The following TAS2R1 variants were observed in gnomAD, a reference collection of about 807,000 sequenced individuals.
TAS2R1 encodes taste 2 receptor member 1, also known as taste receptor type 2 member 1.
For synonymous variants in TAS2R1, 141 were observed against 134.2 expected (o/e 1.05, Z -0.35); for missense variants, 370 against 353.4 (o/e 1.05, Z -0.38).
chr5:9,702,278 G>A (rs1302713286), intron 1 of TAS2R1, among the ~76,000 whole-genome samples: 1 of 152,202 alleles, frequency 6.6e-6, no homozygotes, highest in East Asian at 1.9e-4. Context: ...CTAGTGCTAA[G>A]TCACTGCTCC....
the TAS2R1 span, among the ~76,000 whole-genome samples, chr5:9,835,639 C>T: frequency 9.2e-5 from 14 of 152,270 alleles, no homozygotes; most frequent in African/African-American, 1.7e-4. Context: ...GCATGAAAGA[C>T]GAGTGATGCC....
intron 1 of TAS2R1, among the ~76,000 whole-genome samples, chr5:9,696,432 C>G (rs1477968928): frequency 6.6e-6 from 1 of 151,724 alleles, no homozygotes; most frequent in Non-Finnish European, 1.5e-5. Flanking sequence ...CGTGGTGGCA[C>G]GTGCCTGTAA....
the TAS2R1 span, among the ~76,000 whole-genome samples, chr5:9,730,270 T>C: frequency 6.6e-5 from 10 of 152,178 alleles, no homozygotes; most frequent in Non-Finnish European, 1.3e-4. Flanking sequence ...AAAGGTGCAG[T>C]TTCTCCACCA....
At chr5:9,696,433 G>A (rs374973408) in intron 1 of TAS2R1, among the ~76,000 whole-genome samples, 85 of 151,550 alleles carry the variant, frequency 5.6e-4, no homozygotes, top group East Asian at 4.1e-3. Flanking sequence ...GTGGTGGCAC[G>A]TGCCTGTAAT....
the TAS2R1 span, among the ~76,000 whole-genome samples, chr5:9,728,676 T>C: frequency 6.6e-6 from 1 of 152,210 alleles, no homozygotes. Flanking sequence ...GAGAAGCCCA[T>C]TTCCCAGATG....
chr5:9,744,344 G>A, the TAS2R1 span, among the ~76,000 whole-genome samples: 1 of 152,102 alleles, frequency 6.6e-6, no homozygotes, highest in Non-Finnish European at 1.5e-5. Context: ...CAATATGTAA[G>A]GAAAATTATT....
At chr5:9,690,366 G>A (rs188472947) in intron 1 of TAS2R1, among the ~76,000 whole-genome samples, 1 of 152,248 alleles carries the variant, frequency 6.6e-6, no homozygotes, top group East Asian at 1.9e-4. Context: ...TGTCTATGAT[G>A]ATGGCTGCAC....
At chr5:9,730,405 G>A in the TAS2R1 span, among the ~76,000 whole-genome samples, 1 of 152,156 alleles carries the variant, frequency 6.6e-6, no homozygotes, top group Non-Finnish European at 1.5e-5. Context: ...ACAACCTTTT[G>A]GAAATAGATA....
At chr5:9,725,341 C>T in the TAS2R1 span, among the ~76,000 whole-genome samples, 16 of 152,334 alleles carry the variant, frequency 1.1e-4, no homozygotes, top group East Asian at 3.9e-4. Context: ...GGGCTGCGCG[C>T]GGAGCTTGTG....
Position 9,674,533 on chromosome 5 carries a change from C to T in TAS2R1, c.-241-14952G>A, listed in dbSNP as rs141806231. Among the ~76,000 whole-genome samples the T allele has an allele frequency of 5.8e-3, 888 of 152,224 alleles. 6 individuals are homozygous for T. The highest frequency in any genetic ancestry group is 0.054 in the Middle Eastern group (16 of 294). On this transcript the variant is annotated intron_variant, in intron 1 of 2. Transcript: ENST00000506620. Reference sequence around the variant, plus strand: ...ATCTTAAATAAGTTACCTTACCTTTCCATGCTTCTGTTCATCATCCATATT... The same window carrying T: ...ATCTTAAATAAGTTACCTTACCTTTTCATGCTTCTGTTCATCATCCATATT...
chr5:9,831,356 A>T, the TAS2R1 span, among the ~76,000 whole-genome samples: 12 of 152,156 alleles, frequency 7.9e-5, no homozygotes, highest in East Asian at 1.9e-4. Flanking sequence ...AAGCAAAAAA[A>T]ATATATAGTT....
At chr5:9,762,455 C>G in the TAS2R1 span, among the ~76,000 whole-genome samples, 12 of 152,238 alleles carry the variant, frequency 7.9e-5, no homozygotes, top group South Asian at 2.5e-3. Flanking sequence ...GCATTCCACA[C>G]GAAAATGTAT....
chr5:9,855,796 A>G, the TAS2R1 span, among the ~76,000 whole-genome samples: 1 of 152,220 alleles, frequency 6.6e-6, no homozygotes, highest in African/African-American at 2.4e-5. Context: ...TAAAATCATA[A>G]GTATTTACCA....
the TAS2R1 span, among the ~76,000 whole-genome samples, chr5:9,827,056 C>T: frequency 6.6e-6 from 1 of 152,176 alleles, no homozygotes; most frequent in Non-Finnish European, 1.5e-5. Flanking sequence ...TCCTGAGCCT[C>T]AGAAATCTAT....
chr5:9,699,082 T>C (rs964908264), intron 1 of TAS2R1, among the ~76,000 whole-genome samples: 8 of 152,214 alleles, frequency 5.3e-5, no homozygotes, highest in Non-Finnish European at 1.2e-4. Context: ...AATTTCAAAA[T>C]GATGAATGTC....
At chr5:9,812,354 A>G in the TAS2R1 span, among the ~76,000 whole-genome samples, 1 of 152,118 alleles carries the variant, frequency 6.6e-6, no homozygotes, top group Non-Finnish European at 1.5e-5. Context: ...GAAGAGGTGT[A>G]GAGAGGTGGG....
intron 1 of TAS2R1, among the ~76,000 whole-genome samples, chr5:9,688,467 C>T (rs185170305): frequency 6.6e-5 from 10 of 152,240 alleles, no homozygotes; most frequent in African/African-American, 2.2e-4. Context: ...ATTTCATGAC[C>T]TCCTCATCCC....
At chr5:9,892,100 C>G in the TAS2R1 span, among the ~76,000 whole-genome samples, 1 of 152,176 alleles carries the variant, frequency 6.6e-6, no homozygotes, top group Non-Finnish European at 1.5e-5. Context: ...TCCCTTTATT[C>G]CTCTCCCCAC....
chr5:9,757,906 C>T, the TAS2R1 span, among the ~76,000 whole-genome samples: 3 of 140,530 alleles, frequency 2.1e-5, no homozygotes, highest in Non-Finnish European at 3.3e-5. Context: ...AAAGTTTAGG[C>T]TATTTTTTTC....
Sources: allele counts gnomAD v4.1 joint callset (sites outside exome capture counted in the v4.1 genomes callset), GRCh38; gene constraint gnomAD v4.1.1; transcripts MANE v1.5; gene names NCBI Gene and HGNC (gene_info 2026-07-23, HGNC 2026-07-21).